Variants in CYYR1 observed in about 807,000 individuals in gnomAD.
CYYR1 encodes cysteine and tyrosine rich 1.
A neutral mutation model predicts 15.2 loss-of-function variants in CYYR1; 14 were observed. The ratio of observed to expected loss-of-function variants is 0.92; its 90% confidence interval spans 0.61 to 1.44. The LOEUF is 1.44. Ranked by LOEUF, CYYR1 falls within the 40% of genes most tolerant of loss-of-function variation. CYYR1 has a pLI of 0.00. For missense variants in CYYR1, 228 were observed against 209.5 expected, an observed-to-expected ratio of 1.09 and a Z score of -0.54; for synonymous variants, 80 against 77.4, an observed-to-expected ratio of 1.03 and a Z score of -0.18.
In CYYR1 at chr21:26,509,834, G is replaced by A. The variant is rs532803125; in HGVS notation, c.177-29405C>T. Reference sequence around the variant, plus strand: ...GCCTATTGGTCAGAGCTAGTACCATGATCTCACCCAACTGGGGGTTAAGGC... The same window carrying A: ...GCCTATTGGTCAGAGCTAGTACCATAATCTCACCCAACTGGGGGTTAAGGC... On this transcript the variant is annotated intron_variant, in intron 2 of 3. Coordinates refer to ENST00000652641, the MANE Select transcript of CYYR1 (RefSeq NM_001320768.2). 6.6e-5 allele frequency among the ~76,000 whole-genome samples: 10 copies of A among 152,278 alleles called. No individual in the cohort carries two copies. In the South Asian group the frequency reaches 1.7e-3, roughly 25 times the overall value.
chr21:26,520,564 GA>G lies in CYYR1; in HGVS notation c.177-40136del, dbSNP rs536123006. Among the ~76,000 whole-genome samples the G allele has an allele frequency of 1.2e-4, 19 of 152,254 alleles. 1 individual carries two copies. The highest frequency in any genetic ancestry group is 2.8e-4 in the Non-Finnish European group (19 of 68,018). On this transcript the variant is annotated intron_variant, in intron 2 of 3. Coordinates refer to ENST00000652641, the MANE Select transcript of CYYR1 (RefSeq NM_001320768.2). ...TATGTGTGCATGTGTCTTTATAGTA[GA>G]ATGATTTATGTTCCTTTGGGTATAT...
intron 2 of CYYR1, among the ~76,000 whole-genome samples, chr21:26,518,869 G>T (rs924610846): frequency 6.6e-6 from 1 of 152,132 alleles, no homozygotes; most frequent in Non-Finnish European, 1.5e-5. Flanking sequence ...CTGAAATTAG[G>T]CAGTAATTTA....
intron 2 of CYYR1, among the ~76,000 whole-genome samples, chr21:26,533,679 C>A (rs560861767): frequency 5.6e-4 from 85 of 152,194 alleles, no homozygotes; most frequent in African/African-American, 2.0e-3. Context: ...TGTGAGTATC[C>A]CTTAGCCCAG....
chr21:26,541,484 C>A (rs796336010), intron 2 of CYYR1, among the ~76,000 whole-genome samples: 22 of 152,194 alleles, frequency 1.4e-4, no homozygotes, highest in African/African-American at 4.8e-4. Flanking sequence ...ATGAAAGCAA[C>A]ACACTGAAAA....
At position 26,565,578 on chromosome 21, in the gene CYYR1, T is replaced by C. The variant is rs531282364; in HGVS notation, c.176+688A>G. On this transcript the variant is annotated intron_variant, in intron 2 of 3. Coordinates refer to ENST00000652641, the MANE Select transcript of CYYR1 (RefSeq NM_001320768.2). ...GCACACTTTTCCAGCCGTACAGCCCTGGAGGCAGGTCCAGCTTCCATATTT... is the reference window on the plus strand; with the variant it reads ...GCACACTTTTCCAGCCGTACAGCCCCGGAGGCAGGTCCAGCTTCCATATTT... Among the ~76,000 whole-genome samples the C allele has an allele frequency of 8.5e-5, 13 of 152,328 alleles. No individual in the cohort carries two copies. In the South Asian group the frequency reaches 2.7e-3, roughly 32 times the overall value.
chr21:26,551,673 C>T (rs182714199), intron 2 of CYYR1: 223 of 159,988 alleles, frequency 1.4e-3, no homozygotes, highest in Admixed American at 4.5e-3. Flanking sequence ...TTCAGTCTCA[C>T]GATAAAACTT....
In CYYR1 at chr21:26,554,257, A is replaced by G. The variant is rs115324546; in HGVS notation, c.176+12009T>C. ...TGCATTATTTATTGACATATTGTCAATGGAGATGAGCCATTGGAATTCTTT... is the reference window on the plus strand; with the variant it reads ...TGCATTATTTATTGACATATTGTCAGTGGAGATGAGCCATTGGAATTCTTT... On this transcript the variant is annotated intron_variant, in intron 2 of 3. Coordinates refer to ENST00000652641, the MANE Select transcript of CYYR1 (RefSeq NM_001320768.2). Among the ~76,000 whole-genome samples, 714 of 152,332 alleles carry G rather than the reference A, an allele frequency of 4.7e-3. 6 individuals are homozygous for G. The highest frequency in any genetic ancestry group is 0.016 in the African/African-American group (671 of 41,584).
At chr21:26,536,425 G>A (rs1385655525) in intron 2 of CYYR1, among the ~76,000 whole-genome samples, 1 of 152,134 alleles carries the variant, frequency 6.6e-6, no homozygotes, top group African/African-American at 2.4e-5. Context: ...CCAAAGGGAG[G>A]TGATGTCAAA....
chr21:26,506,078 T>C (rs1054771464), intron 2 of CYYR1, among the ~76,000 whole-genome samples: 2 of 152,178 alleles, frequency 1.3e-5, no homozygotes, highest in East Asian at 1.9e-4. Flanking sequence ...GTCATCTCAA[T>C]AGGCCCATTG....
At chr21:26,479,850 C>T (rs528029549) in intron 3 of CYYR1, among the ~76,000 whole-genome samples, 3 of 152,144 alleles carry the variant, frequency 2.0e-5, no homozygotes, top group African/African-American at 2.4e-5. Context: ...GCTGTTCTCT[C>T]GACCTAATGA....
chr21:26,534,012 A>G (rs1354543628), intron 2 of CYYR1, among the ~76,000 whole-genome samples: 2 of 152,158 alleles, frequency 1.3e-5, no homozygotes, highest in Non-Finnish European at 2.9e-5. Context: ...AAGCACACAT[A>G]GCATGCCACT....
chr21:26,469,677 G>A (rs1359555980), intron 3 of CYYR1, among the ~76,000 whole-genome samples: 3 of 151,838 alleles, frequency 2.0e-5, no homozygotes, highest in Non-Finnish European at 4.4e-5. Flanking sequence ...ATATATTATT[G>A]TTGACTATAG....
At chr21:26,511,174 CA>C (rs2065643057) in intron 2 of CYYR1, among the ~76,000 whole-genome samples, 3 of 152,196 alleles carry the variant, frequency 2.0e-5, no homozygotes, top group African/African-American at 4.8e-5. Context: ...ATATTTGCCT[CA>C]GTAGACACTT....
chr21:26,553,050 ATTTTCTTAAT>A (rs1447891043), intron 2 of CYYR1, among the ~76,000 whole-genome samples: 1 of 151,890 alleles, frequency 6.6e-6, no homozygotes, highest in Non-Finnish European at 1.5e-5. Flanking sequence ...CTGGATTAAT[ATTTTCTTAAT>A]TTTTCTTAAT....
At chr21:26,560,693 C>T (rs1194468862) in intron 2 of CYYR1, among the ~76,000 whole-genome samples, 1 of 152,068 alleles carries the variant, frequency 6.6e-6, no homozygotes, top group African/African-American at 2.4e-5. Context: ...AATTACCCTG[C>T]TTTAAGAGGC....
At chr21:26,510,559 A>G (rs953351030) in intron 2 of CYYR1, among the ~76,000 whole-genome samples, 4 of 152,206 alleles carry the variant, frequency 2.6e-5, no homozygotes, top group African/African-American at 9.6e-5. Context: ...GCTGGAGGAC[A>G]TTGGCTATTG....
At chr21:26,496,774 T>C (rs755253038) in intron 2 of CYYR1, among the ~76,000 whole-genome samples, 36 of 152,180 alleles carry the variant, frequency 2.4e-4, no homozygotes, top group Non-Finnish European at 4.6e-4. Context: ...TATTTATTGA[T>C]ATTTATCCAA....
At chr21:26,490,782 G>C (rs1003991429) in intron 2 of CYYR1, among the ~76,000 whole-genome samples, 8 of 152,170 alleles carry the variant, frequency 5.3e-5, no homozygotes, top group Non-Finnish European at 1.0e-4. Flanking sequence ...CCACGGAGCT[G>C]AGTAGATTGC....
At chr21:26,496,362 G>C (rs1159050170) in intron 2 of CYYR1, among the ~76,000 whole-genome samples, 1 of 152,096 alleles carries the variant, frequency 6.6e-6, no homozygotes, top group Non-Finnish European at 1.5e-5. Context: ...TGGAAAAGAA[G>C]AATATTTTAG....
Sources: allele counts gnomAD v4.1 joint callset (sites outside exome capture counted in the v4.1 genomes callset), GRCh38; gene constraint gnomAD v4.1.1; transcripts MANE v1.5; gene names NCBI Gene and HGNC (gene_info 2026-07-23, HGNC 2026-07-21).